Variants in CHRM3 observed in about 807,000 individuals in gnomAD.
CHRM3 encodes the protein cholinergic receptor muscarinic 3, also known as muscarinic acetylcholine receptor M3.
Under a neutral mutation model 41.8 loss-of-function variants are expected in CHRM3, and 11 were observed. The observed-to-expected ratio is 0.26, with a 90% CI of 0.17 to 0.44. CHRM3 has a LOEUF of 0.44. Ranked by LOEUF, CHRM3 falls within the 20% of genes least tolerant of loss-of-function variation. The probability of loss-of-function intolerance (pLI) is 1.00; values close to 1 mark genes in which losing one functional copy is unlikely to be tolerated. For missense variants in CHRM3, 571 were observed against 745.4 expected (o/e 0.77, Z 2.72); for synonymous variants, 297 against 301.4 (o/e 0.99, Z 0.15).
rs975102540 is a variant in CHRM3 at position 239,909,849 on chromosome 1, A to G, written c.*625A>G. ...AATAAAAATACTTAAGTATATATAT[A>G]TGTGTGAGTTCTGCACGCACACACA... On this transcript the variant is annotated 3_prime_UTR_variant, in exon 7 of 7. Transcript: ENST00000676153. 6.0e-6 allele frequency: 1 copy of G among 167,266 alleles called. No individual in the cohort carries two copies. The allele number at this position is 167,266 out of a possible 1,614,324, so 10.4% of individuals were successfully genotyped here. A position where few individuals can be genotyped will look rare whatever the true frequency, so the allele number is the denominator to read the frequency against.
chr1:239,472,080 G>A (rs1469548189), intron 1 of CHRM3, among the ~76,000 whole-genome samples: 1 of 152,114 alleles, frequency 6.6e-6, no homozygotes. Context: ...ATTATGTGAT[G>A]TCCAGTATTA....
At chr1:239,422,758 G>A (rs898507009) in intron 1 of CHRM3, among the ~76,000 whole-genome samples, 9 of 151,374 alleles carry the variant, frequency 5.9e-5, no homozygotes, top group Non-Finnish European at 1.2e-4. Context: ...TGGCACCACT[G>A]CACTCCAGCC....
intron 6 of CHRM3, among the ~76,000 whole-genome samples, chr1:239,863,958 T>G (rs1261930615): frequency 1.3e-5 from 2 of 152,208 alleles, no homozygotes; most frequent in South Asian, 2.1e-4. Flanking sequence ...AAGGATGGTT[T>G]GCCAATGTGA....
chr1:239,681,865 C>T (rs1658601058), intron 5 of CHRM3, among the ~76,000 whole-genome samples: 1 of 152,102 alleles, frequency 6.6e-6, no homozygotes, highest in Non-Finnish European at 1.5e-5. Flanking sequence ...TGCCACTGCA[C>T]TCCAGCCTGG....
intron 5 of CHRM3, among the ~76,000 whole-genome samples, chr1:239,799,689 G>C (rs1670059053): frequency 6.6e-6 from 1 of 152,170 alleles, no homozygotes; most frequent in African/African-American, 2.4e-5. Flanking sequence ...TTTCATAACA[G>C]TGCAGATTCC....
intron 5 of CHRM3, among the ~76,000 whole-genome samples, chr1:239,817,291 G>A (rs563190301): frequency 6.6e-6 from 1 of 152,304 alleles, no homozygotes; most frequent in Admixed American, 6.5e-5. Context: ...GTGAAACCAT[G>A]AAGATCTGTT....
intron 3 of CHRM3, among the ~76,000 whole-genome samples, chr1:239,576,623 A>AC (rs1491538626): frequency 4.6e-4 from 59 of 127,868 alleles, no homozygotes; most frequent in Non-Finnish European, 8.0e-4. Flanking sequence ...CACACACACA[A>AC]CAAACAAACA....
At chr1:239,457,208 T>TTAAGTTAA (rs1665013414) in intron 1 of CHRM3, among the ~76,000 whole-genome samples, 1 of 152,176 alleles carries the variant, frequency 6.6e-6, no homozygotes, top group Non-Finnish European at 1.5e-5. Flanking sequence ...TTTTTAAGCC[T>TTAAGTTAA]CCATTTTCGC....
intron 3 of CHRM3, among the ~76,000 whole-genome samples, chr1:239,566,504 A>C (rs1661376801): frequency 6.6e-6 from 1 of 152,168 alleles, no homozygotes; most frequent in Admixed American, 6.5e-5. Flanking sequence ...TTTGTATCAG[A>C]GTTGTTCAGC....
chr1:239,600,215 C>G, intron 3 of CHRM3, among the ~76,000 whole-genome samples: 1 of 151,992 alleles, frequency 6.6e-6, no homozygotes, highest in African/African-American at 2.4e-5. Flanking sequence ...TTGTTCAGAC[C>G]CACATCATCT....
At chr1:239,695,914 C>T (rs1337889678) in intron 5 of CHRM3, among the ~76,000 whole-genome samples, 2 of 152,116 alleles carry the variant, frequency 1.3e-5, no homozygotes, top group Non-Finnish European at 2.9e-5. Context: ...AAGTATTTAT[C>T]TTGATTTTTC....
At chr1:239,589,521 C>T (rs1037337073) in intron 3 of CHRM3, among the ~76,000 whole-genome samples, 2 of 148,750 alleles carry the variant, frequency 1.3e-5, no homozygotes, top group Non-Finnish European at 3.0e-5. Flanking sequence ...ATGTATAAAA[C>T]TATATATATA....
chr1:239,778,371 G>A (rs1953833), intron 5 of CHRM3, among the ~76,000 whole-genome samples: 103,522 of 151,946 alleles, frequency 0.68, 35,651 homozygotes, highest in Non-Finnish European at 0.73. Context: ...ACTGTTATAC[G>A]TCTTAAATTT....
intron 2 of CHRM3, among the ~76,000 whole-genome samples, chr1:239,507,628 G>A (rs1021639976): frequency 7.9e-5 from 12 of 152,120 alleles, no homozygotes; most frequent in Non-Finnish European, 1.6e-4. Context: ...ACCTTCATAT[G>A]GGTTATGTAC....
rs138090370 is a variant in CHRM3 at position 239,760,978 on chromosome 1, C to A, written c.-146-66274C>A. On this transcript the variant is annotated intron_variant, in intron 5 of 6. Transcript: ENST00000676153. ...TATCTTATCTGTTTTCCTCTCCCCT[C>A]GCCCAAACCACTAATATGTCTGAGA... Among the ~76,000 whole-genome samples, 62 of 61,136 alleles carry A rather than the reference C, an allele frequency of 1.0e-3. 1 individual carries two copies. Among genetic ancestry groups the A allele is most frequent in the African/African-American group, 2.1e-3 (57 of 27,002 alleles). 40.1% of individuals were successfully genotyped at this position (61,136 alleles called of 152,430 possible). A position where few individuals can be genotyped will look rare whatever the true frequency, so the allele number is the denominator to read the frequency against.
intron 5 of CHRM3, among the ~76,000 whole-genome samples, chr1:239,822,907 G>A (rs1006759071): frequency 4.6e-5 from 7 of 152,168 alleles, no homozygotes; most frequent in African/African-American, 1.4e-4. Context: ...AAAGATATGT[G>A]TTGAGACCCA....
At chr1:239,780,555 A>G (rs1279397613) in intron 5 of CHRM3, among the ~76,000 whole-genome samples, 1 of 152,112 alleles carries the variant, frequency 6.6e-6, no homozygotes, top group Non-Finnish European at 1.5e-5. Context: ...ATTTTCTTCC[A>G]GTCTGTGACT....
intron 5 of CHRM3, among the ~76,000 whole-genome samples, chr1:239,780,799 G>T (rs570536592): frequency 1.0e-4 from 14 of 134,838 alleles, no homozygotes; most frequent in African/African-American, 4.1e-4. Context: ...AGGGTGTAAG[G>T]TCTGTGTCTA....
At chr1:239,426,679 A>G (rs1409875576) in intron 1 of CHRM3, among the ~76,000 whole-genome samples, 1 of 152,132 alleles carries the variant, frequency 6.6e-6, no homozygotes, top group Non-Finnish European at 1.5e-5. Context: ...CACTCATTCA[A>G]CCAACACACT....
Sources: allele counts gnomAD v4.1 joint callset (sites outside exome capture counted in the v4.1 genomes callset), GRCh38; gene constraint gnomAD v4.1.1; transcripts MANE v1.5; gene names NCBI Gene and HGNC (gene_info 2026-07-23, HGNC 2026-07-21).